GNA14: variants seen among roughly 807,000 people sequenced by gnomAD.
The protein encoded by GNA14 is G protein subunit alpha 14.
In GNA14, 50 loss-of-function variants were observed where a neutral mutation model predicts 42.0. The ratio of observed to expected loss-of-function variants is 1.19; its 90% CI spans 0.95 to 1.51. The LOEUF (loss-of-function observed/expected upper bound fraction) is 1.51, where lower values mean the gene tolerates loss of function less well. Ranked by LOEUF, GNA14 falls within the 40% of genes most tolerant of loss-of-function variation. GNA14 has a pLI of 0.00. For missense variants in GNA14, 473 were observed against 446.2 expected (o/e 1.06, Z -0.54); for synonymous variants, 173 against 163.1 (o/e 1.06, Z -0.46).
chr9:77,603,411 T>C (rs909999466), intron 1 of GNA14, among the ~76,000 whole-genome samples: 1 of 152,120 alleles, frequency 6.6e-6, no homozygotes, highest in Non-Finnish European at 1.5e-5. Flanking sequence ...TGACCTTACA[T>C]GTTTTAGGAA....
chr9:77,454,912 C>G (rs1982295), intron 2 of GNA14, among the ~76,000 whole-genome samples: 63,609 of 152,110 alleles, frequency 0.42, 14,252 homozygotes, highest in African/African-American at 0.59. Flanking sequence ...ATTTCTGAAT[C>G]TATTCAAAGG....
At chr9:77,611,298 C>G (rs1448262081) in intron 1 of GNA14, among the ~76,000 whole-genome samples, 2 of 152,174 alleles carry the variant, frequency 1.3e-5, no homozygotes, top group Non-Finnish European at 2.9e-5. Flanking sequence ...ATATTTGCAT[C>G]AGTTCTCCTG....
At chr9:77,644,280 C>A (rs992385556) in intron 1 of GNA14, among the ~76,000 whole-genome samples, 2 of 151,374 alleles carry the variant, frequency 1.3e-5, no homozygotes, top group African/African-American at 4.9e-5. Context: ...CCAGCCTAGG[C>A]AACAAAAACC....
intron 1 of GNA14, among the ~76,000 whole-genome samples, chr9:77,617,695 C>T (rs886185651): frequency 1.3e-5 from 2 of 152,078 alleles, no homozygotes; most frequent in Non-Finnish European, 2.9e-5. Flanking sequence ...ACTTCCCAGC[C>T]ATGCTGCCTA....
intron 1 of GNA14, among the ~76,000 whole-genome samples, chr9:77,610,366 G>A (rs528740169): frequency 6.6e-5 from 10 of 152,248 alleles, no homozygotes; most frequent in African/African-American, 2.2e-4. Context: ...TCTATTGTCA[G>A]TTTGTTTTAC....
chr9:77,592,000 C>G (rs138601715), intron 1 of GNA14, among the ~76,000 whole-genome samples: 2 of 151,724 alleles, frequency 1.3e-5, no homozygotes, highest in Non-Finnish European at 2.9e-5. Context: ...CTGCAAGCTC[C>G]GCTTCCCGGG....
chr9:77,494,029 T>C (rs1261566055), intron 2 of GNA14, among the ~76,000 whole-genome samples: 3 of 152,194 alleles, frequency 2.0e-5, no homozygotes, highest in Non-Finnish European at 4.4e-5. Context: ...GAAGTGATTC[T>C]CGTGACTCAG....
chr9:77,439,846 A>G (rs1835702054), intron 2 of GNA14, among the ~76,000 whole-genome samples: 1 of 152,116 alleles, frequency 6.6e-6, no homozygotes, highest in South Asian at 2.1e-4. Context: ...AAGAGAGGAC[A>G]AAGAGTCGGA....
At chr9:77,569,153 C>CT (rs1230967905) in intron 1 of GNA14, among the ~76,000 whole-genome samples, 2,204 of 144,210 alleles carry the variant, frequency 0.015, 51 homozygotes, top group African/African-American at 0.05. Flanking sequence ...TCTCTTTTGC[C>CT]TTTTTTTTTT....
Position 77,511,931 on chromosome 9 carries a change from G to C in GNA14, c.309+17138C>G, listed in dbSNP as rs577405794. Among the ~76,000 whole-genome samples the C allele has an allele frequency of 5.9e-5, 9 of 152,252 alleles. No individual in the cohort carries two copies. The East Asian group carries it at 9.6e-4, about 16-fold the overall frequency. ...CCCCAAAGGCAGAAGGTAGACCCTC[G>C]ATAACTGTTTGATGAATGAATAACC... On this transcript the variant is annotated intron_variant, in intron 2 of 6. Coordinates refer to ENST00000341700, the MANE Select transcript of GNA14 (RefSeq NM_004297.4).
At chr9:77,513,755 A>G (rs533437059) in intron 2 of GNA14, among the ~76,000 whole-genome samples, 7 of 152,300 alleles carry the variant, frequency 4.6e-5, no homozygotes, top group African/African-American at 1.7e-4. Flanking sequence ...AGTCCACCAC[A>G]TTCTGGGTTT....
intron 2 of GNA14, among the ~76,000 whole-genome samples, chr9:77,516,185 C>A (rs898729446): frequency 6.6e-6 from 1 of 152,058 alleles, no homozygotes; most frequent in Non-Finnish European, 1.5e-5. Context: ...AGACTAGTTG[C>A]CCATTTTGTC....
chr9:77,476,084 T>C (rs150502837), intron 2 of GNA14, among the ~76,000 whole-genome samples: 152 of 152,198 alleles, frequency 1.0e-3, no homozygotes, highest in African/African-American at 3.3e-3. Context: ...ATTTGGGAAA[T>C]TGGAATTCAA....
chr9:77,551,655 A>G (rs1428985764), intron 1 of GNA14, among the ~76,000 whole-genome samples: 2 of 152,080 alleles, frequency 1.3e-5, no homozygotes, highest in Admixed American at 1.3e-4. Context: ...AATATAGTGA[A>G]AAATAGGAAG....
intron 2 of GNA14, among the ~76,000 whole-genome samples, chr9:77,439,249 T>A (rs1835687452): frequency 6.6e-6 from 1 of 152,038 alleles, no homozygotes; most frequent in Non-Finnish European, 1.5e-5. Flanking sequence ...AGGAAGGGAG[T>A]ACCCTGTTAC....
intron 1 of GNA14, among the ~76,000 whole-genome samples, chr9:77,546,927 A>G (rs1290636662): frequency 1.3e-5 from 2 of 152,142 alleles, no homozygotes; most frequent in South Asian, 2.1e-4. Context: ...GTCCTGAGGT[A>G]ATTATCGATA....
At chr9:77,636,861 G>A (rs1824191419) in intron 1 of GNA14, among the ~76,000 whole-genome samples, 1 of 152,186 alleles carries the variant, frequency 6.6e-6, no homozygotes, top group Non-Finnish European at 1.5e-5. Flanking sequence ...CGCAGCACAA[G>A]CCAATGTTCC....
At chr9:77,459,222 T>G (rs1836062864) in intron 2 of GNA14, among the ~76,000 whole-genome samples, 2 of 148,380 alleles carry the variant, frequency 1.3e-5, no homozygotes, top group South Asian at 4.3e-4. Flanking sequence ...GGCGACAGAG[T>G]GAGACCCAGT....
At chr9:77,541,715 A>G (rs1478800593) in intron 1 of GNA14, among the ~76,000 whole-genome samples, 1 of 151,944 alleles carries the variant, frequency 6.6e-6, no homozygotes, top group African/African-American at 2.4e-5. Context: ...AATGTCACAA[A>G]GGCTTTGCAC....
Sources: allele counts gnomAD v4.1 joint callset (sites outside exome capture counted in the v4.1 genomes callset), GRCh38; gene constraint gnomAD v4.1.1; transcripts MANE v1.5; gene names NCBI Gene and HGNC (gene_info 2026-07-23, HGNC 2026-07-21).